ALB: variants seen among roughly 807,000 people sequenced by gnomAD.
The protein encoded by ALB is albumin.
In ALB, 37 loss-of-function variants were observed where a neutral mutation model predicts 74.5. The observed-to-expected ratio is 0.50, with a 90% CI of 0.38 to 0.65. The LOEUF is 0.65. ALB is among the 30% of genes least tolerant of loss of function. The pLI, the probability that ALB is intolerant of heterozygous loss-of-function variation, is 0.00. For synonymous variants in ALB, 249 were observed against 251.6 expected (o/e 0.99, Z 0.10); for missense variants, 685 against 718.7 (o/e 0.95, Z 0.54).
chr4:73,407,501 T>C (rs564268484), intron 3 of ALB, among the ~76,000 whole-genome samples: 1 of 152,306 alleles, frequency 6.6e-6, no homozygotes, highest in Admixed American at 6.5e-5. Flanking sequence ...CTTTATCCAT[T>C]AATTTGTTGA....
At chr4:73,404,577 AT>A (rs1718672359) in intron 1 of ALB, among the ~76,000 whole-genome samples, 171 bp downstream of exon 1, 1 of 151,522 alleles carries the variant, frequency 6.6e-6, no homozygotes, top group Non-Finnish European at 1.5e-5. Context: ...AAATTCAAAC[AT>A]CCTAGGTAAA....
Position 73,408,646 on chromosome 4 carries a change from A to C in ALB, c.323A>C (p.Tyr108Ser), listed in dbSNP as rs142714816. The C allele has an allele frequency of 5.6e-6, 9 of 1,613,948 alleles. No individual in the cohort carries two copies. Among genetic ancestry groups the C allele is most frequent in the Non-Finnish European group, 6.8e-6 (8 of 1,179,942 alleles). ...ACAGTTGCAACTCTTCGTGAAACCT[A>C]TGGTGAAATGGCTGACTGCTGTGCA... Reference protein sequence around the residue: ...LCTVATLRETYGEMADCCAKQ... With the variant: ...LCTVATLRETSGEMADCCAKQ... Residue 108 changes from tyrosine (Y) to serine (S), a missense_variant, in exon 4 of 15, where the codon TAT becomes TCT. Transcript: ENST00000295897.
intron 6 of ALB, among the ~76,000 whole-genome samples, chr4:73,410,909 A>G (rs767771466): frequency 4.6e-5 from 7 of 151,962 alleles, no homozygotes; most frequent in Non-Finnish European, 8.8e-5. Flanking sequence ...TTGTCCTTTT[A>G]TGTCTTATAG....
chr4:73,413,340 C>T (rs1718925745), intron 7 of ALB, 80 bp from the exon 8 acceptor site: 1 of 1,285,790 alleles, frequency 7.8e-7, no homozygotes, highest in Non-Finnish European at 1.1e-6. Flanking sequence ...TGAATATGTT[C>T]TGCCAACTTA....
In ALB at chr4:73,405,116, A is replaced by C. The variant is rs1269893823; in HGVS notation, c.80A>C (p.His27Pro). Reference protein sequence around the residue: ...YSRGVFRRDAHKSEVAHRFKD... With the variant: ...YSRGVFRRDAPKSEVAHRFKD... Reference sequence around the variant, plus strand: ...TCCTTTTTTTTCTTCCCTTGCCCAGACAAGAGTGAGGTTGCTCATCGGTTT... The same window carrying C: ...TCCTTTTTTTTCTTCCCTTGCCCAGCCAAGAGTGAGGTTGCTCATCGGTTT... The change falls in exon 2 of 15, where the codon CAC becomes CCC. Residue 27 changes from histidine (H) to proline (P), a missense_variant and splice_region_variant. By Grantham distance (77) the His-to-Pro change is moderately conservative (BLOSUM62 -2). Transcript: ENST00000295897. 22 of 1,613,624 alleles carry C rather than the reference A, an allele frequency of 1.4e-5. No homozygotes were observed. The Admixed American group carries it at 3.5e-4, about 26-fold the overall frequency.
intron 9 of ALB, 124 bp downstream of exon 9, chr4:73,415,291 C>CA: frequency 8.3e-7 from 1 of 1,209,822 alleles, no homozygotes; most frequent in Middle Eastern, 1.9e-4. Context: ...GAGATGGTTT[C>CA]AATTCTGGAA....
chr4:73,417,406 T>G, intron 10 of ALB, 125 bp from the exon 11 acceptor site: 17 of 1,244,718 alleles, frequency 1.4e-5, no homozygotes, highest in Non-Finnish European at 1.9e-5. Context: ...ACTCTGCAGA[T>G]GGAGATAATA....
Position 73,413,416 on chromosome 4 carries a change from A to T in ALB, c.844-4A>T, listed in dbSNP as rs747427467. On this transcript the variant is annotated splice_polypyrimidine_tract_variant and splice_region_variant and intron_variant, in intron 7 of 14. Coordinates refer to ENST00000295897, the MANE Select transcript of ALB (RefSeq NM_000477.7). ...TTGAACAATTTCCACCAACTTACTT[A>T]TAGGCGGACCTTGCCAAGTATATCT... 9 of 1,611,816 alleles carry T rather than the reference A, an allele frequency of 5.6e-6. No individual in the cohort carries two copies. Among genetic ancestry groups the T allele is most frequent in the Non-Finnish European group, 7.6e-6 (9 of 1,177,932 alleles).
chr4:73,409,542 A>G (rs1718819138), intron 5 of ALB, 55 bp downstream of exon 5: 1 of 1,611,782 alleles, frequency 6.2e-7, no homozygotes. Flanking sequence ...GATTTTGTCC[A>G]TTTTGTGGCT....
At chr4:73,419,764 A>G in intron 13 of ALB, 125 bp downstream of exon 13, 1 of 1,191,962 alleles carries the variant, frequency 8.4e-7, no homozygotes, top group Non-Finnish European at 1.2e-6. Flanking sequence ...CTTATTTTAC[A>G]AACAATTGTC....
chr4:73,406,665 T>C lies in ALB; in HGVS notation c.174T>C (p.Cys58=). 1 of 1,613,852 alleles carries C rather than the reference T, an allele frequency of 6.2e-7. No homozygotes were observed. Among genetic ancestry groups the C allele is most frequent in the Non-Finnish European group, 8.5e-7 (1 of 1,179,894 alleles). The change falls in exon 3 of 15, where the codon TGT becomes TGC. Residue 58 remains cysteine (C), a synonymous_variant. Transcript: ENST00000295897. ...LIAFAQYLQQ[C]PFEDHVKLVN... ...CCTTTGCTCAGTATCTTCAGCAGTG[T>C]CCATTTGAAGATCATGTAAAATTAG...
At position 73,419,536 on chromosome 4, in the gene ALB, C is replaced by T. The variant is rs775683603; in HGVS notation, c.1682C>T (p.Pro561Leu). 6 of 1,613,414 alleles carry T rather than the reference C, an allele frequency of 3.7e-6. No homozygotes were observed. The Admixed American group carries it at 1.0e-4, about 27-fold the overall frequency. Residue 561 changes from proline to leucine, a missense_variant, in exon 13 of 15, where the codon CCC (proline) becomes CTC (leucine). By Grantham distance (98) the Pro-to-Leu change is moderately conservative. Transcript: ENST00000295897. ...CTTGTTGAGCTCGTGAAACACAAGC[C>T]CAAGGCAACAAAAGAGCAACTGAAA... ...TALVELVKHK[P>L]KATKEQLKAV...
At chr4:73,417,734 G>A in intron 11 of ALB, 65 bp downstream of exon 11, 1 of 1,383,278 alleles carries the variant, frequency 7.2e-7, no homozygotes, top group Non-Finnish European at 9.8e-7. Flanking sequence ...TATTGATAAT[G>A]CTAGCTTTCA....
chr4:73,420,968 AAATTGTTTTCACTGG>A (rs1429554141), intron 14 of ALB, 109 bp from the exon 15 acceptor site: 3 of 586,596 alleles, frequency 5.1e-6, no homozygotes. Flanking sequence ...GGACAGGCTT[AAATTGTTTTCACTGG>A]TGTAAATTGC....
intron 7 of ALB, among the ~76,000 whole-genome samples, chr4:73,412,446 T>C (rs1718903099): frequency 6.9e-6 from 1 of 145,684 alleles, no homozygotes; most frequent in South Asian, 2.1e-4. Context: ...TCTAAGAAGA[T>C]TTTTTTTTCT....
chr4:73,406,810 C>T, intron 3 of ALB, 49 bp downstream of exon 3: 1 of 1,605,012 alleles, frequency 6.2e-7, no homozygotes, highest in African/African-American at 1.3e-5. Context: ...TGAAGTAATC[C>T]CAAGCATTTC....
intron 4 of ALB, 163 bp downstream of exon 4, chr4:73,408,968 C>G (rs550945492): frequency 1.6e-6 from 1 of 643,732 alleles, no homozygotes; most frequent in Non-Finnish European, 2.6e-6. Flanking sequence ...CCACAAAATT[C>G]TACACAGCAA....
chr4:73,417,215 A>G (rs1428938518), intron 10 of ALB, among the ~76,000 whole-genome samples: 1 of 152,200 alleles, frequency 6.6e-6, no homozygotes, highest in Non-Finnish European at 1.5e-5. Context: ...CAAGTTTAGC[A>G]TATGCTGATA....
chr4:73,419,407 AATCTTAAATG>A, intron 12 of ALB, 90 bp from the exon 13 acceptor site: 1 of 1,360,078 alleles, frequency 7.4e-7, no homozygotes, highest in Non-Finnish European at 9.9e-7. Flanking sequence ...CAAGATTTAT[AATCTTAAATG>A]ATGGGACTAC....
Sources: gnomAD v4.1 joint callset for allele counts (sites outside exome capture counted in the v4.1 genomes callset) on GRCh38, gnomAD v4.1.1 for gene constraint, MANE v1.5 for transcripts, NCBI Gene and HGNC (gene_info 2026-07-23, HGNC 2026-07-21) for gene names.